IGDCC3: variants seen among roughly 807,000 people sequenced by gnomAD.
IGDCC3 encodes putative neuronal cell adhesion molecule.
IGDCC3 carries 47 observed loss-of-function variants against 72.0 expected under a neutral mutation model. The ratio of observed to expected loss-of-function variants is 0.65; its 90% CI spans 0.52 to 0.83. IGDCC3 has a LOEUF of 0.83. Ranked by LOEUF, IGDCC3 falls within the 40% of genes least tolerant of loss-of-function variation. The pLI is 0.00. For synonymous variants in IGDCC3, 477 were observed against 472.8 expected (o/e 1.01, Z -0.11); for missense variants, 1,038 against 1,091.3 (o/e 0.95, Z 0.69).
chr15:65,336,144 A>G (rs1230432797), intron 2 of IGDCC3, among the ~76,000 whole-genome samples, 188 bp from the exon 3 acceptor site: 1 of 152,154 alleles, frequency 6.6e-6, no homozygotes, highest in Non-Finnish European at 1.5e-5. Flanking sequence ...GCTAGGAAAC[A>G]TCTCCCCTGA....
chr15:65,355,228 C>G (rs1210361410), intron 2 of IGDCC3, among the ~76,000 whole-genome samples: 2 of 152,132 alleles, frequency 1.3e-5, no homozygotes, highest in East Asian at 1.9e-4. Context: ...GGGTCAGGCC[C>G]GAGCCTGGGG....
chr15:65,356,766 C>G (rs2091223867), intron 2 of IGDCC3, among the ~76,000 whole-genome samples: 2 of 150,342 alleles, frequency 1.3e-5, no homozygotes, highest in South Asian at 4.2e-4. Context: ...CTATCCTTCA[C>G]AGAGTACTTG....
intron 2 of IGDCC3, among the ~76,000 whole-genome samples, chr15:65,363,466 G>T (rs1445927258): frequency 1.3e-5 from 2 of 152,154 alleles, no homozygotes; most frequent in Non-Finnish European, 2.9e-5. Flanking sequence ...CCCTATTCTT[G>T]GCTGTCACTC....
intron 2 of IGDCC3, among the ~76,000 whole-genome samples, chr15:65,361,518 C>T (rs946023399): frequency 1.3e-4 from 20 of 151,994 alleles, no homozygotes; most frequent in Non-Finnish European, 2.8e-4. Context: ...CCCCCCAACT[C>T]CAGCTCTCCA....
At position 65,377,761 on chromosome 15, in the gene IGDCC3, G is replaced by A; in HGVS notation, c.28C>T (p.Arg10Cys). Residue 10 changes from arginine (R) to cysteine (C), a missense_variant, in exon 1 of 14, where the codon CGC becomes TGC. Physicochemically the swap from Arg to Cys is radical, Grantham distance 180. Coordinates refer to ENST00000327987, the MANE Select transcript of IGDCC3 (RefSeq NM_004884.4). The surrounding 1 kb of genome is among the most constrained non-coding windows in gnomAD (Gnocchi z 4.9). The part of the protein sequence containing the change: MAVQRAASP[R>C]RPPAPLWPRL... Reference sequence around the variant, plus strand: ...GGCCAGAGCGGGGCGGGCGGGCGGCGCGGAGACGCGGCGCGCTGCACAGCC... The same window carrying A: ...GGCCAGAGCGGGGCGGGCGGGCGGCACGGAGACGCGGCGCGCTGCACAGCC... 8 of 1,304,016 alleles carry A rather than the reference G, an allele frequency of 6.1e-6. No homozygotes were observed. Among genetic ancestry groups the A allele is most frequent in the Non-Finnish European group, 7.8e-6 (8 of 1,032,080 alleles). 80.8% of individuals were successfully genotyped at this position (1,304,016 alleles called of 1,614,324 possible).
At chr15:65,376,372 T>G (rs1288332182) in intron 1 of IGDCC3, among the ~76,000 whole-genome samples, 1 of 152,198 alleles carries the variant, frequency 6.6e-6, no homozygotes, top group African/African-American at 2.4e-5. Context: ...AGTCACCAAC[T>G]TCTCCAGCAA....
rs775864065 is a variant in IGDCC3, at chr15:65,328,941, G to A, written c.2413C>T (p.Arg805Trp). 34 of 1,563,276 alleles carry A rather than the reference G, an allele frequency of 2.2e-5. No individual in the cohort carries two copies. The East Asian group carries it at 3.4e-4, about 16-fold the overall frequency. ...TCCGAGTGAGCTGGCTGGGTAACCC[G>A]GGCCGCTGCAGGCCTGGAAGCCTGG... ...EGQASRPAAA[R>W]VTQPAHSEQ is the part of the protein sequence containing the mutation. Residue 805 changes from arginine (R) to tryptophan (W), a missense_variant, in exon 14 of 14, where the codon CGG becomes TGG. By Grantham distance (101) the Arg-to-Trp change is moderately radical. Coordinates refer to ENST00000327987, the MANE Select transcript of IGDCC3 (RefSeq NM_004884.4).
intron 2 of IGDCC3, among the ~76,000 whole-genome samples, chr15:65,340,281 A>AG (rs1346240210): frequency 6.6e-6 from 1 of 151,994 alleles, no homozygotes; most frequent in Non-Finnish European, 1.5e-5. Context: ...GACAGGCTCC[A>AG]GGGGGAGGTG....
chr15:65,342,551 C>T (rs1336880596), intron 2 of IGDCC3, among the ~76,000 whole-genome samples: 1 of 152,186 alleles, frequency 6.6e-6, no homozygotes, highest in Non-Finnish European at 1.5e-5. Flanking sequence ...TCGGATAGTG[C>T]TGGTCCAGAC....
chr15:65,365,857 G>T (rs955221606), intron 2 of IGDCC3, among the ~76,000 whole-genome samples: 1 of 152,148 alleles, frequency 6.6e-6, no homozygotes, highest in Non-Finnish European at 1.5e-5. Context: ...GATGGCTTGA[G>T]GCCAGGAATT....
At chr15:65,357,793 ACTT>A (rs914140738) in intron 2 of IGDCC3, among the ~76,000 whole-genome samples, 28 of 152,366 alleles carry the variant, frequency 1.8e-4, no homozygotes, top group Non-Finnish European at 3.4e-4. Flanking sequence ...TTAGAGTTAT[ACTT>A]CTTCTACCTA....
intron 2 of IGDCC3, among the ~76,000 whole-genome samples, chr15:65,371,638 G>C (rs2091326389): frequency 6.6e-6 from 1 of 152,212 alleles, no homozygotes; most frequent in South Asian, 2.1e-4. Flanking sequence ...GGGAAGTCCT[G>C]CACTACATCA....
At chr15:65,334,995 G>T in intron 4 of IGDCC3, 130 bp from the exon 5 acceptor site, 1 of 1,112,486 alleles carries the variant, frequency 9.0e-7, no homozygotes, top group Non-Finnish European at 1.2e-6. Context: ...TGGGCAGAGA[G>T]ATACCAGGAG....
chr15:65,333,523 G>T lies in IGDCC3; in HGVS notation c.824-108C>A, dbSNP rs547519803. On this transcript the variant is annotated intron_variant, in intron 5 of 13. Coordinates refer to ENST00000327987, the MANE Select transcript of IGDCC3 (RefSeq NM_004884.4). ...TGCCCTTCCTCCTGTCTTCTAGGGAGCCCCAGTCTTTGACTCTGCCCCTTC... is the reference window on the plus strand; with the variant it reads ...TGCCCTTCCTCCTGTCTTCTAGGGATCCCCAGTCTTTGACTCTGCCCCTTC... 431 of 1,094,152 alleles carry T rather than the reference G, an allele frequency of 3.9e-4. 4 individuals are homozygous for T. The highest frequency in any genetic ancestry group is 1.3e-3 in the South Asian group (79 of 58,528). 67.8% of individuals were successfully genotyped at this position (1,094,152 alleles called of 1,614,324 possible).
rs1413752151 is a variant in IGDCC3, at chr15:65,339,666, C to T, written c.410-3710G>A. Among the ~76,000 whole-genome samples the T allele has an allele frequency of 6.6e-6, 1 of 152,230 alleles. No homozygotes were observed. Among genetic ancestry groups the T allele is most frequent in the African/African-American group, 2.4e-5 (1 of 41,464 alleles). On this transcript the variant is annotated intron_variant, in intron 2 of 13. Transcript: ENST00000327987. This position sits in a 1 kb window ranked among gnomAD's most constrained non-coding sequence, Gnocchi z 4.1. ...GCCGGACTTCAGGGCACCCTGAGAT[C>T]TGAACAAGTCACCCTGCAGGCCACT...
chr15:65,345,095 T>C (rs1393506683), intron 2 of IGDCC3, among the ~76,000 whole-genome samples: 1 of 152,218 alleles, frequency 6.6e-6, no homozygotes, highest in Non-Finnish European at 1.5e-5. Flanking sequence ...TATAGTCATC[T>C]GTCCTATTTA....
At chr15:65,370,815 G>A (rs1241821977) in intron 2 of IGDCC3, among the ~76,000 whole-genome samples, 1 of 151,716 alleles carries the variant, frequency 6.6e-6, no homozygotes, top group African/African-American at 2.4e-5. Flanking sequence ...GTAGAGACAG[G>A]GTCTTGCTCT....
At chr15:65,374,657 C>T (rs2091346985) in intron 2 of IGDCC3, among the ~76,000 whole-genome samples, 2 of 152,132 alleles carry the variant, frequency 1.3e-5, no homozygotes, top group South Asian at 4.1e-4. Flanking sequence ...CAAAGGTTTA[C>T]ATTAGTTTAA....
intron 2 of IGDCC3, among the ~76,000 whole-genome samples, chr15:65,346,226 C>T (rs1177579836): frequency 6.6e-6 from 1 of 152,246 alleles, no homozygotes; most frequent in Non-Finnish European, 1.5e-5. Context: ...TCTATTAATA[C>T]AGGCAAATAA....
Sources: gnomAD v4.1 joint callset for allele counts (sites outside exome capture counted in the v4.1 genomes callset) on GRCh38, gnomAD v4.1.1 for gene constraint, Gnocchi (gnomAD v3.1) non-coding constraint, MANE v1.5 for transcripts, NCBI Gene and HGNC (gene_info 2026-07-23, HGNC 2026-07-21) for gene names.